Variants in NEBL observed in about 807,000 individuals in gnomAD.
NEBL encodes the protein nebulette.
NEBL carries 122 observed loss-of-function variants against 140.2 expected under a neutral mutation model. That is an observed-to-expected ratio of 0.87 (90% CI 0.75 to 1.01). The LOEUF is 1.01. Ranked by LOEUF, NEBL falls within the 50% of genes least tolerant of loss-of-function variation. NEBL has a pLI of 0.00. For missense variants in NEBL, 1,365 were observed against 1,231.3 expected (o/e 1.11, Z -1.62); for synonymous variants, 436 against 398.9 (o/e 1.09, Z -1.11).
At chr10:21,093,986 A>G (rs1837043029) in intron 2 of NEBL, among the ~76,000 whole-genome samples, 1 of 152,222 alleles carries the variant, frequency 6.6e-6, no homozygotes, top group African/African-American at 2.4e-5. Flanking sequence ...TTTCCATAGA[A>G]AACTATATTT....
chr10:21,185,144 A>G (rs950781637), intron 3 of NEBL, among the ~76,000 whole-genome samples: 2 of 152,224 alleles, frequency 1.3e-5, no homozygotes, highest in Admixed American at 1.3e-4. Flanking sequence ...ACCAAGAGAA[A>G]GTAATGACCA....
chr10:20,998,114 A>G (rs1359028421), intron 3 of NEBL, among the ~76,000 whole-genome samples: 1 of 152,228 alleles, frequency 6.6e-6, no homozygotes, highest in Non-Finnish European at 1.5e-5. Context: ...CTAAAATGTC[A>G]TATCACTGAT....
intron 3 of NEBL, among the ~76,000 whole-genome samples, chr10:21,008,907 C>G (rs1287969072): frequency 2.6e-5 from 4 of 151,186 alleles, no homozygotes; most frequent in Non-Finnish European, 5.9e-5. Flanking sequence ...ATATGTATAT[C>G]TACATACATG....
intron 2 of NEBL, among the ~76,000 whole-genome samples, chr10:21,041,133 T>C (rs779667729): frequency 6.6e-6 from 1 of 152,220 alleles, no homozygotes; most frequent in Non-Finnish European, 1.5e-5. Flanking sequence ...CATGGGGGTT[T>C]GGTGTACAGA....
At chr10:20,831,747 A>C (rs111890733) in intron 14 of NEBL, among the ~76,000 whole-genome samples, 164 bp from the exon 15 acceptor site, 4 of 152,252 alleles carry the variant, frequency 2.6e-5, no homozygotes, top group African/African-American at 9.6e-5. Context: ...TGGTAGGAAT[A>C]CGACTTAGTA....
At position 21,186,126 on chromosome 10, in the gene NEBL, G is replaced by T. The variant is rs79671745; in HGVS notation, n.349-13649C>A. On this transcript the variant is annotated intron_variant and non_coding_transcript_variant, in intron 3 of 8. Transcript: ENST00000675702. ...TGAGTTTTAAATTTTAAGACTTCAG[G>T]TGATACTAAGGCACACTTAAAACTT... Among the ~76,000 whole-genome samples the T allele has an allele frequency of 4.4e-3, 675 of 151,980 alleles. 3 individuals carry two copies. Among genetic ancestry groups the T allele is most frequent in the African/African-American group, 0.016 (653 of 41,442 alleles).
chr10:20,947,189 T>C (rs538479529), intron 4 of NEBL, among the ~76,000 whole-genome samples: 2 of 152,330 alleles, frequency 1.3e-5, no homozygotes, highest in African/African-American at 4.8e-5. Flanking sequence ...AAGAGTCATA[T>C]GTCGAAAACA....
intron 2 of NEBL, among the ~76,000 whole-genome samples, chr10:21,099,651 T>C (rs1182277052): frequency 6.6e-6 from 1 of 152,232 alleles, no homozygotes; most frequent in African/African-American, 2.4e-5. Flanking sequence ...ATCTCTCAGA[T>C]TTGAAATATC....
chr10:21,289,459 G>A (rs1843112833), intron 1 of NEBL, among the ~76,000 whole-genome samples: 1 of 152,192 alleles, frequency 6.6e-6, no homozygotes, highest in South Asian at 2.1e-4. Flanking sequence ...AATATGCTTT[G>A]GAATTGTGCC....
chr10:21,072,592 C>T (rs560853110), intron 2 of NEBL, among the ~76,000 whole-genome samples: 5 of 152,314 alleles, frequency 3.3e-5, no homozygotes, highest in East Asian at 1.9e-4. Flanking sequence ...GGACAGAGTG[C>T]GGAGCACAGG....
chr10:21,196,928 A>C (rs571562370), intron 3 of NEBL, among the ~76,000 whole-genome samples: 3 of 152,362 alleles, frequency 2.0e-5, no homozygotes, highest in Admixed American at 2.0e-4. Context: ...TTTGCTGCGA[A>C]GGAAATGCAT....
intron 2 of NEBL, among the ~76,000 whole-genome samples, chr10:21,169,068 ATATATATATATATATATATATATAT>A (rs1840956590): frequency 1.7e-4 from 3 of 18,044 alleles, no homozygotes; most frequent in Admixed American, 7.1e-4. Context: ...AAAAAAAAAA[ATATATATATATATATATATATATAT>A]ATATATATAT....
chr10:20,918,111 C>A (rs981963811), intron 4 of NEBL, among the ~76,000 whole-genome samples: 1 of 152,138 alleles, frequency 6.6e-6, no homozygotes, highest in Non-Finnish European at 1.5e-5. Flanking sequence ...GTAATCCCAG[C>A]ACTTTGGGAG....
chr10:21,185,645 T>A (rs998687845), intron 3 of NEBL, among the ~76,000 whole-genome samples: 7 of 151,772 alleles, frequency 4.6e-5, no homozygotes, highest in African/African-American at 1.7e-4. Context: ...ATTACAGGCA[T>A]GCCACCACAC....
chr10:20,871,625 T>C lies in NEBL; in HGVS notation c.481-1784A>G, dbSNP rs191296290. ...TAAACTACACTTATAATCATGAATCTGTCTGACAAGTGAACACAGCTGAAA... is the reference window on the plus strand; with the variant it reads ...TAAACTACACTTATAATCATGAATCCGTCTGACAAGTGAACACAGCTGAAA... On this transcript the variant is annotated intron_variant, in intron 5 of 27. Transcript: ENST00000377122. Among the ~76,000 whole-genome samples the C allele has an allele frequency of 1.1e-3, 169 of 152,318 alleles. 2 individuals carry two copies. Among genetic ancestry groups the C allele is most frequent in the Admixed American group, 9.7e-3 (149 of 15,292 alleles).
At chr10:21,044,451 G>T (rs12359123) in intron 2 of NEBL, among the ~76,000 whole-genome samples, 2 of 122,432 alleles carry the variant, frequency 1.6e-5, no homozygotes, top group East Asian at 5.4e-4. Flanking sequence ...AGATTTCTCA[G>T]ATTTGGTCCT....
intron 3 of NEBL, among the ~76,000 whole-genome samples, chr10:21,007,959 A>T (rs1478620494): frequency 1.3e-5 from 2 of 152,244 alleles, no homozygotes; most frequent in Non-Finnish European, 2.9e-5. Context: ...ACAGATGGGG[A>T]ACTTAAATTG....
intron 17 of NEBL, 132 bp from the exon 18 acceptor site, chr10:20,826,671 A>G: frequency 4.1e-6 from 3 of 730,112 alleles, no homozygotes; most frequent in South Asian, 1.6e-5. Context: ...TGCCGGAATT[A>G]TAGGAACAAA....
At chr10:21,101,123 A>G (rs1272204523) in intron 2 of NEBL, among the ~76,000 whole-genome samples, 1 of 152,198 alleles carries the variant, frequency 6.6e-6, no homozygotes, top group African/African-American at 2.4e-5. Flanking sequence ...CCTGTCTCCT[A>G]GCCACATGAC....
Sources: gnomAD v4.1 joint callset for allele counts (sites outside exome capture counted in the v4.1 genomes callset) on GRCh38, gnomAD v4.1.1 for gene constraint, MANE v1.5 for transcripts, NCBI Gene and HGNC (gene_info 2026-07-23, HGNC 2026-07-21) for gene names.